ZNF385B: variants seen among roughly 807,000 people sequenced by gnomAD.
ZNF385B encodes zinc finger protein 533.
Under a neutral mutation model 39.2 loss-of-function variants are expected in ZNF385B, and 23 were observed. That is an observed-to-expected ratio of 0.59 (90% CI 0.42 to 0.83). The LOEUF is 0.83. Ranked by LOEUF, ZNF385B falls within the 40% of genes least tolerant of loss-of-function variation. The probability of loss-of-function intolerance (pLI) is 0.00; values close to 1 mark genes in which losing one functional copy is unlikely to be tolerated. For synonymous variants in ZNF385B, 205 were observed against 222.6 expected (o/e 0.92, Z 0.70); for missense variants, 552 against 598.9 (o/e 0.92, Z 0.82).
intron 5 of ZNF385B, among the ~76,000 whole-genome samples, chr2:179,497,202 C>G (rs564486664): frequency 3.3e-5 from 5 of 152,070 alleles, no homozygotes; most frequent in Non-Finnish European, 7.4e-5. Context: ...TAAATAATCA[C>G]GTGAAGGTAC....
intron 5 of ZNF385B, among the ~76,000 whole-genome samples, chr2:179,500,889 C>G (rs1288820425): frequency 6.6e-6 from 1 of 152,036 alleles, no homozygotes; most frequent in East Asian, 1.9e-4. Flanking sequence ...TCAAACAACT[C>G]TATAGGAAGA....
chr2:179,506,805 A>G lies in ZNF385B; in HGVS notation c.552+11723T>C, dbSNP rs1478423036. Among the ~76,000 whole-genome samples the G allele has an allele frequency of 2.0e-5, 3 of 152,304 alleles. No homozygotes were observed. In the East Asian group the frequency reaches 5.8e-4, roughly 29 times the overall value. On this transcript the variant is annotated intron_variant, in intron 5 of 9. Transcript: ENST00000410066. ...GAAAATGCCTTTTTCCTAGAGAGGA[A>G]GGAGTATTAAAAATGACCTGCAATG...
At position 179,631,816 on chromosome 2, in the gene ZNF385B, T is replaced by C. The variant is rs957931766; in HGVS notation, c.299-86847A>G. Among the ~76,000 whole-genome samples, 4 of 151,602 alleles carry C rather than the reference T, an allele frequency of 2.6e-5. No individual in the cohort carries two copies. The South Asian group carries it at 8.4e-4, about 32-fold the overall frequency. On this transcript the variant is annotated intron_variant, in intron 3 of 9. Coordinates refer to ENST00000410066, the MANE Select transcript of ZNF385B (RefSeq NM_152520.6). ...CACATGTAGGCTCAAAATAAAGGGA[T>C]GGAGGAAGATCTACCAGGCAAATAG...
chr2:179,656,700 T>A (rs1328688303), intron 3 of ZNF385B, among the ~76,000 whole-genome samples: 2 of 152,158 alleles, frequency 1.3e-5, no homozygotes, highest in Non-Finnish European at 2.9e-5. Flanking sequence ...AGGGACCTTC[T>A]TAGACATTTT....
At chr2:179,673,905 CCT>C (rs1257342120) in intron 3 of ZNF385B, among the ~76,000 whole-genome samples, 2 of 152,038 alleles carry the variant, frequency 1.3e-5, no homozygotes, top group Non-Finnish European at 2.9e-5. Context: ...GATTTATAAA[CCT>C]TTTTATGCAA....
intron 3 of ZNF385B, among the ~76,000 whole-genome samples, chr2:179,588,761 C>A (rs1351221065): frequency 6.6e-6 from 1 of 152,148 alleles, no homozygotes; most frequent in Non-Finnish European, 1.5e-5. Context: ...TGTTACAATG[C>A]ACTGCCCTTT....
chr2:179,705,632 T>C (rs571417602), intron 3 of ZNF385B, among the ~76,000 whole-genome samples: 3 of 152,336 alleles, frequency 2.0e-5, no homozygotes, highest in South Asian at 2.1e-4. Flanking sequence ...CCTATTCTTT[T>C]CCCTTAGACA....
chr2:179,537,936 T>C (rs2059689880), intron 4 of ZNF385B, among the ~76,000 whole-genome samples: 1 of 152,088 alleles, frequency 6.6e-6, no homozygotes, highest in Admixed American at 6.6e-5. Flanking sequence ...AGCCTAACAA[T>C]AGGCCATCAA....
At chr2:179,676,847 T>C (rs1280887777) in intron 3 of ZNF385B, among the ~76,000 whole-genome samples, 1 of 152,214 alleles carries the variant, frequency 6.6e-6, no homozygotes, top group African/African-American at 2.4e-5. Context: ...AGGCCAAGGA[T>C]GCTGCTAAAC....
chr2:179,501,307 T>C (rs903847786), intron 5 of ZNF385B, among the ~76,000 whole-genome samples: 9 of 152,190 alleles, frequency 5.9e-5, no homozygotes, highest in Admixed American at 5.2e-4. Context: ...GTTGCAGCAC[T>C]CTTTACAATA....
At chr2:179,746,000 A>G (rs1234844438) in intron 3 of ZNF385B, 4 of 1,163,534 alleles carry the variant, frequency 3.4e-6, no homozygotes, top group Non-Finnish European at 4.2e-6. Context: ...AAGCAGAGCA[A>G]TTTCAATTCT....
At chr2:179,814,719 A>G (rs1706955092) in intron 1 of ZNF385B, 2 of 226,152 alleles carry the variant, frequency 8.8e-6, no homozygotes, top group South Asian at 1.3e-4. Context: ...AGGCCTTTTC[A>G]TGTAGAAACC....
chr2:179,721,587 A>G (rs1383088101), intron 3 of ZNF385B, among the ~76,000 whole-genome samples: 1 of 152,156 alleles, frequency 6.6e-6, no homozygotes, highest in East Asian at 1.9e-4. Context: ...TCAGCAATGG[A>G]TTAAAAATTA....
intron 3 of ZNF385B, among the ~76,000 whole-genome samples, chr2:179,761,118 AC>A (rs1703358000): frequency 1.3e-5 from 2 of 151,984 alleles, no homozygotes; most frequent in Non-Finnish European, 2.9e-5. Context: ...CTCCAATAAA[AC>A]CACTGTCTTG....
chr2:179,657,408 A>G (rs1456019648), intron 3 of ZNF385B, among the ~76,000 whole-genome samples: 6 of 152,182 alleles, frequency 3.9e-5, no homozygotes, highest in Non-Finnish European at 8.8e-5. Flanking sequence ...ACTGCTCAAA[A>G]CCGTGGCTCA....
intron 3 of ZNF385B, among the ~76,000 whole-genome samples, chr2:179,739,014 C>G (rs1393743473): frequency 6.6e-6 from 1 of 152,130 alleles, no homozygotes; most frequent in East Asian, 1.9e-4. Context: ...TAGTCTAGGG[C>G]ACTGGTTAAA....
chr2:179,646,318 G>A (rs752784006), intron 3 of ZNF385B, among the ~76,000 whole-genome samples: 2 of 152,124 alleles, frequency 1.3e-5, no homozygotes, highest in Non-Finnish European at 2.9e-5. Flanking sequence ...AGCAGGCTGA[G>A]GCAAAATAGC....
Position 179,483,284 on chromosome 2 carries a change from A to C in ZNF385B, c.703T>G (p.Ser235Ala). The stretch of plus-strand genomic sequence containing the variant: ...AAGTGTCATTGACCTGATTTGTCAG[A>C]GTTGTTGCCTGTGATTGGAGTGATG... Reference protein sequence around the residue: ...CSITPITGNNSDKSEDKGKLK... With the variant: ...CSITPITGNNADKSEDKGKLK... The change falls in exon 6 of 10, where the codon TCT (serine) becomes GCT (alanine). Residue 235 changes from serine to alanine, a missense_variant. Coordinates refer to ENST00000410066, the MANE Select transcript of ZNF385B (RefSeq NM_152520.6). The C allele has an allele frequency of 6.2e-7, 1 of 1,613,944 alleles. No individual in the cohort carries two copies. Among genetic ancestry groups the C allele is most frequent in the Non-Finnish European group, 8.5e-7 (1 of 1,179,896 alleles).
intron 4 of ZNF385B, among the ~76,000 whole-genome samples, chr2:179,541,231 G>A (rs924940947): frequency 2.0e-5 from 3 of 152,036 alleles, no homozygotes; most frequent in Admixed American, 6.6e-5. Context: ...ACATACATAT[G>A]CATTGAGAGA....
Sources: allele counts gnomAD v4.1 joint callset (sites outside exome capture counted in the v4.1 genomes callset), GRCh38; gene constraint gnomAD v4.1.1; transcripts MANE v1.5; gene names NCBI Gene and HGNC (gene_info 2026-07-23, HGNC 2026-07-21).